Variants in AP3B1 observed in about 807,000 individuals in gnomAD.
AP3B1 encodes adaptor related protein complex 3 subunit beta 1, also known as AP-3 complex subunit beta-1.
In AP3B1, 61 loss-of-function variants were observed where a neutral mutation model predicts 132.5. The observed-to-expected ratio is 0.46, with a 90% CI of 0.37 to 0.57. The LOEUF is 0.57. Among genes scored for constraint, AP3B1 ranks in the 20% least tolerant of loss-of-function variants. AP3B1 has a pLI of 0.00. For missense variants in AP3B1, 1,120 were observed against 1,289.4 expected (o/e 0.87, Z 2.01); for synonymous variants, 388 against 438.3 (o/e 0.89, Z 1.43).
chr5:78,163,165 C>G (rs893586429), intron 12 of AP3B1, among the ~76,000 whole-genome samples: 1 of 152,014 alleles, frequency 6.6e-6, no homozygotes, highest in African/African-American at 2.4e-5. Flanking sequence ...CATTTTCAAG[C>G]CAGGCTCATT....
chr5:78,209,937 A>G (rs866425834), intron 7 of AP3B1, among the ~76,000 whole-genome samples: 3 of 152,228 alleles, frequency 2.0e-5, no homozygotes, highest in African/African-American at 7.2e-5. Context: ...AATTATAAAC[A>G]ACAAAAAGAA....
At chr5:78,004,898 G>A (rs1746328005) in intron 26 of AP3B1, among the ~76,000 whole-genome samples, 2 of 152,242 alleles carry the variant, frequency 1.3e-5, no homozygotes, top group East Asian at 1.9e-4. Context: ...CTTTTCAGAC[G>A]TACACATGAG....
chr5:78,173,042 T>C (rs1406078099), intron 11 of AP3B1, among the ~76,000 whole-genome samples: 2 of 152,220 alleles, frequency 1.3e-5, no homozygotes, highest in African/African-American at 4.8e-5. Context: ...CAGGAACAGG[T>C]TGTTCAGTTT....
chr5:78,283,615 C>A (rs1210897523), intron 1 of AP3B1, among the ~76,000 whole-genome samples: 1 of 152,178 alleles, frequency 6.6e-6, no homozygotes, highest in South Asian at 2.1e-4. Context: ...CATCACCAGC[C>A]CAGGTAGCTG....
chr5:78,067,853 C>G (rs541450293), intron 22 of AP3B1, among the ~76,000 whole-genome samples: 1 of 151,840 alleles, frequency 6.6e-6, no homozygotes, highest in South Asian at 2.1e-4. Flanking sequence ...ACTAAAAGAA[C>G]TAGAGAACCA....
chr5:78,183,759 C>T (rs1744472149), intron 7 of AP3B1, among the ~76,000 whole-genome samples: 1 of 150,642 alleles, frequency 6.6e-6, no homozygotes, highest in Non-Finnish European at 1.5e-5. Flanking sequence ...CCCAGCTACT[C>T]GAGAGGCTGA....
chr5:78,276,158 T>C (rs1421273954), intron 1 of AP3B1, among the ~76,000 whole-genome samples: 1 of 151,712 alleles, frequency 6.6e-6, no homozygotes, highest in African/African-American at 2.4e-5. Flanking sequence ...CTCAAACTCC[T>C]AAGCTCATGA....
At position 78,244,866 on chromosome 5, in the gene AP3B1, G is replaced by T. The variant is rs181172377; in HGVS notation, c.205-3930C>A. On this transcript the variant is annotated intron_variant, in intron 2 of 26. Coordinates refer to ENST00000255194, the MANE Select transcript of AP3B1 (RefSeq NM_003664.5). ...AAAAATTAGCTGGGTGTGGTGGTAC[G>T]TGCCTGTAATCCCAGCTACTCAGGA... 1.2e-3 allele frequency among the ~76,000 whole-genome samples: 177 copies of T among 151,958 alleles called. 2 individuals are homozygous for T. The highest frequency in any genetic ancestry group is 3.7e-3 in the East Asian group (19 of 5,146).
rs778479213 is a variant in AP3B1 at position 78,294,645 on chromosome 5, G to A, written c.-66C>T. ...GTTCTCTCCAAAAGGTTCCAGTCCA[G>A]AGGGCACGGAACAAAACTAGTTCTC... On this transcript the variant is annotated 5_prime_UTR_variant, in exon 1 of 27. Transcript: ENST00000255194. The A allele has an allele frequency of 7.1e-5, 115 of 1,609,672 alleles. No homozygotes were observed. The highest frequency in any genetic ancestry group is 9.6e-5 in the Non-Finnish European group (113 of 1,179,234).
chr5:78,049,816 T>G (rs1288416335), intron 22 of AP3B1, among the ~76,000 whole-genome samples: 1 of 152,176 alleles, frequency 6.6e-6, no homozygotes, highest in East Asian at 1.9e-4. Context: ...TCAGTTAAAG[T>G]TACATCATGC....
chr5:78,235,108 G>A (rs1746819834), intron 3 of AP3B1, among the ~76,000 whole-genome samples: 1 of 152,086 alleles, frequency 6.6e-6, no homozygotes, highest in Non-Finnish European at 1.5e-5. Context: ...AGAGACTCCT[G>A]CCTCAGCCTC....
At chr5:78,057,129 G>T (rs534659207) in intron 22 of AP3B1, among the ~76,000 whole-genome samples, 2 of 152,320 alleles carry the variant, frequency 1.3e-5, no homozygotes, top group Admixed American at 1.3e-4. Flanking sequence ...CAGGAAAGAA[G>T]TCACGGCTAA....
At chr5:78,163,923 C>CA (rs1165441940) in intron 12 of AP3B1, among the ~76,000 whole-genome samples, 1 of 151,682 alleles carries the variant, frequency 6.6e-6, no homozygotes, top group Non-Finnish European at 1.5e-5. Flanking sequence ...AAGAAGTATA[C>CA]AATGTAGACT....
intron 7 of AP3B1, among the ~76,000 whole-genome samples, chr5:78,213,118 A>G (rs1745817185): frequency 6.6e-6 from 1 of 152,120 alleles, no homozygotes; most frequent in Non-Finnish European, 1.5e-5. Flanking sequence ...TGACCTCGTG[A>G]TAAGCCCGCC....
intron 7 of AP3B1, among the ~76,000 whole-genome samples, chr5:78,184,686 C>CAAAAAAA (rs772722596): frequency 2.1e-4 from 23 of 110,554 alleles, no homozygotes; most frequent in East Asian, 1.5e-3. Flanking sequence ...GACACTGTCT[C>CAAAAAAA]AAAAAAAAAA....
At chr5:78,115,309 G>T (rs752448072) in intron 18 of AP3B1, among the ~76,000 whole-genome samples, 1 of 152,194 alleles carries the variant, frequency 6.6e-6, no homozygotes, top group Non-Finnish European at 1.5e-5. Flanking sequence ...TAGGGTAGCA[G>T]ATAACCATGT....
At chr5:78,031,197 T>C (rs1561363242) in intron 24 of AP3B1, among the ~76,000 whole-genome samples, 1 of 152,192 alleles carries the variant, frequency 6.6e-6, no homozygotes, top group Non-Finnish European at 1.5e-5. Flanking sequence ...ACCTACTGAG[T>C]TAGCAACTAT....
intron 14 of AP3B1, among the ~76,000 whole-genome samples, chr5:78,146,128 T>C (rs1753379282): frequency 1.3e-5 from 2 of 152,218 alleles, no homozygotes; most frequent in Admixed American, 6.5e-5. Flanking sequence ...TTAGGAGTTA[T>C]CAGGTACTTG....
At chr5:78,018,204 G>A (rs1746933065) in intron 25 of AP3B1, among the ~76,000 whole-genome samples, 1 of 151,852 alleles carries the variant, frequency 6.6e-6, no homozygotes, top group South Asian at 2.1e-4. Context: ...AACTAATTCT[G>A]CAATGCTTGA....
Sources: gnomAD v4.1 joint callset for allele counts (sites outside exome capture counted in the v4.1 genomes callset) on GRCh38, gnomAD v4.1.1 for gene constraint, MANE v1.5 for transcripts, NCBI Gene and HGNC (gene_info 2026-07-23, HGNC 2026-07-21) for gene names.